The following SEC14L5 variants were observed in gnomAD, a reference collection of about 807,000 sequenced individuals.
SEC14L5 encodes the protein SEC14 like lipid binding 5.
SEC14L5 carries 96 observed loss-of-function variants against 84.6 expected under a neutral mutation model. The observed-to-expected ratio is 1.13, with a 90% CI of 0.96 to 1.34. The LOEUF (loss-of-function observed/expected upper bound fraction) is 1.34. SEC14L5 is among the 40% of genes most tolerant of loss of function. The probability of loss-of-function intolerance (pLI) is 0.00; values close to 1 mark genes in which losing one functional copy is unlikely to be tolerated. For missense variants in SEC14L5, 1,224 were observed against 942.5 expected (o/e 1.30, Z -3.91); for synonymous variants, 546 against 383.4 (o/e 1.42, Z -4.95).
At chr16:4,975,816 C>A (rs1177933064) in intron 2 of SEC14L5, among the ~76,000 whole-genome samples, 5 of 152,112 alleles carry the variant, frequency 3.3e-5, no homozygotes, top group Non-Finnish European at 7.3e-5. Flanking sequence ...GTATGACAGG[C>A]GATGGGGGCA....
rs575895490 is a variant in SEC14L5 at position 5,016,597 on chromosome 16, A to G, written c.*1627A>G. 3 of 152,262 alleles carry G rather than the reference A, an allele frequency of 2.0e-5. No individual in the cohort carries two copies. The East Asian group carries it at 5.8e-4, about 29-fold the overall frequency. 9.4% of individuals were successfully genotyped at this position (152,262 alleles called of 1,614,324 possible). A position where few individuals can be genotyped will look rare whatever the true frequency, so the allele number is the denominator to read the frequency against. ...GTCTCACTGACATGGCTCTGTCAGC[A>G]GTGGCTGGTACCCTTGTCTCCTGGC... On this transcript the variant is annotated 3_prime_UTR_variant, in exon 16 of 16. Transcript: ENST00000251170.
chr16:4,967,969 C>T (rs1225480819), intron 2 of SEC14L5, among the ~76,000 whole-genome samples: 2 of 135,230 alleles, frequency 1.5e-5, no homozygotes, highest in Non-Finnish European at 3.2e-5. Context: ...CCCTTCCCCT[C>T]CCTTCCCCTC....
chr16:4,992,169 C>A, intron 6 of SEC14L5, 139 bp downstream of exon 6: 1 of 544,086 alleles, frequency 1.8e-6, no homozygotes, highest in Non-Finnish European at 3.2e-6. Flanking sequence ...AACGACACCG[C>A]CTCCTGCCTC....
At chr16:4,966,647 C>G (rs1248807616) in intron 2 of SEC14L5, among the ~76,000 whole-genome samples, 7 of 152,218 alleles carry the variant, frequency 4.6e-5, no homozygotes, top group Non-Finnish European at 8.8e-5. Context: ...TGTGGGCAGC[C>G]CATTCGACAG....
intron 8 of SEC14L5, among the ~76,000 whole-genome samples, chr16:4,997,442 AT>A (rs1364469370): frequency 6.6e-6 from 1 of 151,818 alleles, no homozygotes; most frequent in Admixed American, 6.6e-5. Flanking sequence ...ACATCTTACT[AT>A]TTTTCCTTTT....
intron 12 of SEC14L5, among the ~76,000 whole-genome samples, chr16:5,006,630 C>A (rs1346324837): frequency 6.6e-6 from 1 of 152,196 alleles, no homozygotes; most frequent in Non-Finnish European, 1.5e-5. Flanking sequence ...TTGTTTCTAA[C>A]AGAAATACCA....
In SEC14L5 at chr16:4,986,799, A is replaced by G. The variant is rs550996427; in HGVS notation, c.64-758A>G. Among the ~76,000 whole-genome samples the G allele has an allele frequency of 2.0e-3, 305 of 152,324 alleles. 2 individuals are homozygous for G. The highest frequency in any genetic ancestry group is 6.7e-3 in the African/African-American group (279 of 41,574). On this transcript the variant is annotated intron_variant, in intron 2 of 15. Coordinates refer to ENST00000251170, the MANE Select transcript of SEC14L5 (RefSeq NM_014692.2). ...TTTTATTCTTTTTGATGTTGTAAAT[A>G]GAATTTTTTCATTTTATTTTCAGTT...
chr16:4,996,288 C>G (rs138663643), intron 6 of SEC14L5, 60 bp from the exon 7 acceptor site: 1 of 1,029,198 alleles, frequency 9.7e-7, no homozygotes, highest in East Asian at 2.6e-5. Context: ...GCACACAGAC[C>G]ACATGGTAAA....
chr16:5,008,402 C>T lies in SEC14L5; in HGVS notation c.1573-19C>T, dbSNP rs762688463. 6.3e-7 allele frequency: 1 copy of T among 1,580,034 alleles called. No homozygotes were observed. Among genetic ancestry groups the T allele is most frequent in the South Asian group, 1.1e-5 (1 of 89,348 alleles). On this transcript the variant is annotated intron_variant, in intron 13 of 15. Transcript: ENST00000251170. ...ACTCTCTCGGCCGTGACTCTCAGAC[C>T]TCGCCTGTCTCCACACAGGTGGCCG...
intron 4 of SEC14L5, among the ~76,000 whole-genome samples, chr16:4,990,045 T>C (rs1016576081): frequency 1.3e-5 from 2 of 151,784 alleles, no homozygotes; most frequent in Non-Finnish European, 2.9e-5. Flanking sequence ...TATATCTTTA[T>C]ATAGATAACA....
At chr16:5,014,018 G>A (rs12051343) in intron 15 of SEC14L5, among the ~76,000 whole-genome samples, 27,260 of 152,234 alleles carry the variant, frequency 0.18, 3,184 homozygotes, top group Non-Finnish European at 0.25. Context: ...AACAAGCTCC[G>A]GGCACTGCTG....
At chr16:5,008,819 C>T (rs1463387000) in intron 14 of SEC14L5, among the ~76,000 whole-genome samples, 171 bp downstream of exon 14, 1 of 152,212 alleles carries the variant, frequency 6.6e-6, no homozygotes, top group African/African-American at 2.4e-5. Flanking sequence ...TAATGAAGTG[C>T]TCACCTGCCC....
intron 2 of SEC14L5, among the ~76,000 whole-genome samples, chr16:4,964,222 T>A (rs1955165111): frequency 6.6e-6 from 1 of 151,956 alleles, no homozygotes; most frequent in African/African-American, 2.4e-5. Context: ...GTCGCCTGAG[T>A]CCCGAAGGCC....
chr16:5,003,781 C>G (rs1234371358), intron 11 of SEC14L5, among the ~76,000 whole-genome samples: 1 of 152,250 alleles, frequency 6.6e-6, no homozygotes, highest in African/African-American at 2.4e-5. Flanking sequence ...ATTGTCACCA[C>G]TAGCCAATCC....
At chr16:4,969,826 T>C (rs1470752585) in intron 2 of SEC14L5, among the ~76,000 whole-genome samples, 3 of 151,482 alleles carry the variant, frequency 2.0e-5, no homozygotes, top group Non-Finnish European at 4.4e-5. Context: ...TTTCCTTTTT[T>C]TTTTTTTTTT....
intron 2 of SEC14L5, among the ~76,000 whole-genome samples, chr16:4,985,980 T>G (rs1381912476): frequency 6.6e-6 from 1 of 151,858 alleles, no homozygotes; most frequent in Non-Finnish European, 1.5e-5. Context: ...TACCTAGGAG[T>G]GGAATTGCTG....
Position 5,007,355 on chromosome 16 carries a change from A to C in SEC14L5, c.1441A>C (p.Asn481His), listed in dbSNP as rs377733788. ...PDFLGGESVC[N>H]VPEGGLVPKS... ...GCCCTTTATCTCTGACCTGCAGTGT[A>C]ATGTCCCCGAAGGAGGGCTGGTCCC... The change falls in exon 13 of 16, where the codon AAT becomes CAT. Residue 481 changes from asparagine (N) to histidine (H), a missense_variant. By Grantham distance (68) the Asn-to-His change is moderately conservative. Transcript: ENST00000251170. 10 of 1,613,602 alleles carry C rather than the reference A, an allele frequency of 6.2e-6. No homozygotes were observed. Among genetic ancestry groups the C allele is most frequent in the Non-Finnish European group, 8.5e-6 (10 of 1,179,778 alleles).
At chr16:4,987,730 G>C in intron 3 of SEC14L5, 24 bp downstream of exon 3, 1 of 1,467,364 alleles carries the variant, frequency 6.8e-7, no homozygotes, top group Non-Finnish European at 9.0e-7. Flanking sequence ...GGGCTGGGGG[G>C]CGGAGGAGGG....
chr16:4,987,483 T>C, intron 2 of SEC14L5, 74 bp from the exon 3 acceptor site: 1 of 1,266,014 alleles, frequency 7.9e-7, no homozygotes, highest in South Asian at 1.4e-5. Flanking sequence ...ACACAGCAGA[T>C]AAGGAGGTCG....
Sources: allele counts gnomAD v4.1 joint callset (sites outside exome capture counted in the v4.1 genomes callset), GRCh38; gene constraint gnomAD v4.1.1; transcripts MANE v1.5; gene names NCBI Gene and HGNC (gene_info 2026-07-23, HGNC 2026-07-21).